CAMSAP2: variants seen among roughly 807,000 people sequenced by gnomAD.
The protein encoded by CAMSAP2 is calmodulin regulated spectrin associated protein family member 2.
Under a neutral mutation model 146.1 loss-of-function variants are expected in CAMSAP2, and 26 were observed. That is an observed-to-expected ratio of 0.18 (90% CI 0.13 to 0.25). The LOEUF is 0.25. CAMSAP2 is among the 10% of genes least tolerant of loss of function. CAMSAP2 has a pLI of 1.00. For missense variants in CAMSAP2, 1,381 were observed against 1,759.3 expected (o/e 0.78, Z 3.85); for synonymous variants, 499 against 596.6 (o/e 0.84, Z 2.38).
chr1:200,837,548 G>A (rs931876923), intron 6 of CAMSAP2, among the ~76,000 whole-genome samples: 1 of 151,898 alleles, frequency 6.6e-6, no homozygotes, highest in Non-Finnish European at 1.5e-5. Flanking sequence ...ATTGCCTTGG[G>A]TATTCAGGTT....
intron 2 of CAMSAP2, among the ~76,000 whole-genome samples, chr1:200,803,878 C>T (rs775578115): frequency 4.6e-5 from 7 of 151,406 alleles, no homozygotes; most frequent in South Asian, 2.1e-4. Context: ...GTTGTGTGTG[C>T]GTGTGTGTCT....
intron 4 of CAMSAP2, among the ~76,000 whole-genome samples, chr1:200,816,819 TACACACACACGC>T (rs1666533183): frequency 1.8e-5 from 1 of 55,418 alleles, no homozygotes; most frequent in Non-Finnish European, 3.2e-5. Context: ...TATATGTGTG[TACACACACACGC>T]GTGTGTATGT....
intron 1 of CAMSAP2, among the ~76,000 whole-genome samples, chr1:200,755,412 C>G (rs1270396346): frequency 2.6e-5 from 4 of 152,184 alleles, no homozygotes; most frequent in South Asian, 2.1e-4. Flanking sequence ...ATTTGTAACT[C>G]CCCTGGTCAC....
At chr1:200,780,200 A>G (rs763541053) in intron 2 of CAMSAP2, among the ~76,000 whole-genome samples, 14 of 152,208 alleles carry the variant, frequency 9.2e-5, no homozygotes, top group Admixed American at 6.5e-5. Flanking sequence ...TCTGTGATTT[A>G]TTACAAATTA....
intron 4 of CAMSAP2, among the ~76,000 whole-genome samples, chr1:200,817,190 A>AAG (rs1553288792): frequency 1.1e-3 from 84 of 77,396 alleles, no homozygotes; most frequent in South Asian, 3.4e-3. Flanking sequence ...ACACACACAC[A>AAG]TGTGTGTGTG....
chr1:200,759,952 A>G (rs1664756820), intron 1 of CAMSAP2, among the ~76,000 whole-genome samples: 1 of 152,192 alleles, frequency 6.6e-6, no homozygotes, highest in Non-Finnish European at 1.5e-5. Flanking sequence ...TGTTTTGGTA[A>G]TTTTGCTGCT....
intron 4 of CAMSAP2, among the ~76,000 whole-genome samples, chr1:200,816,591 T>C (rs1666493044): frequency 1.2e-5 from 1 of 86,468 alleles, no homozygotes; most frequent in African/African-American, 4.2e-5. Flanking sequence ...CAAAACTTCA[T>C]CTCAAAAAAA....
chr1:200,832,838 C>A lies in CAMSAP2; in HGVS notation c.920C>A (p.Ser307Tyr). 1 of 1,559,546 alleles carries A rather than the reference C, an allele frequency of 6.4e-7. No individual in the cohort carries two copies. The highest frequency in any genetic ancestry group is 2.3e-5 in the East Asian group (1 of 43,094). Residue 307 changes from serine to tyrosine, a missense_variant, in exon 6 of 17, where the codon TCC becomes TAC. Ser to Tyr is a moderately radical substitution (Grantham distance 144). This residue lies in a region of CAMSAP2 where 284 missense variants were observed against 406.9 expected (regional missense o/e 0.70). Coordinates refer to ENST00000358823, the MANE Select transcript of CAMSAP2 (RefSeq NM_203459.4). The surrounding 1 kb of genome is among the most constrained non-coding windows in gnomAD (Gnocchi z 4.2). ...GAAGATATGCTCTATGCTGCTTCAT[C>A]CATAAAGGTAAATTAAATTATTCTT... ...TLEDMLYAASSIKSNYLVFMA... is the reference protein window; with the variant it reads ...TLEDMLYAASYIKSNYLVFMA...
intron 4 of CAMSAP2, among the ~76,000 whole-genome samples, chr1:200,820,146 G>C (rs1323279551): frequency 6.7e-6 from 1 of 149,012 alleles, no homozygotes; most frequent in Non-Finnish European, 1.5e-5. Context: ...TTGCAACTTT[G>C]GCCTCCTGGG....
intron 4 of CAMSAP2, 22 bp downstream of exon 4, chr1:200,815,666 A>G (rs754676321): frequency 7.3e-7 from 1 of 1,361,130 alleles, no homozygotes; most frequent in East Asian, 2.4e-5. Flanking sequence ...AAAAACAAAA[A>G]GGTGCCTTTA....
chr1:200,799,786 T>C (rs1325831043), intron 2 of CAMSAP2, among the ~76,000 whole-genome samples: 1 of 152,242 alleles, frequency 6.6e-6, no homozygotes, highest in African/African-American at 2.4e-5. Flanking sequence ...TTTGGATCTT[T>C]CCTGCTTTCT....
intron 4 of CAMSAP2, among the ~76,000 whole-genome samples, chr1:200,818,759 T>C (rs959561583): frequency 6.6e-6 from 1 of 152,170 alleles, no homozygotes; most frequent in Non-Finnish European, 1.5e-5. Context: ...GGTTTTTAAT[T>C]CTGTAAAAGC....
In CAMSAP2 at chr1:200,854,832, T is replaced by C; in HGVS notation, c.3839T>C (p.Leu1280Ser). The change falls in exon 14 of 17, where the codon TTG becomes TCG. Residue 1280 changes from leucine to serine, a missense_variant. Leu to Ser is a moderately radical substitution (Grantham distance 145). This residue lies in a region of CAMSAP2 where 560 missense variants were observed against 715.9 expected (regional missense o/e 0.78). Coordinates refer to ENST00000358823, the MANE Select transcript of CAMSAP2 (RefSeq NM_203459.4). ...IKGPPVSSLSLASLNTGDNES... is the reference protein window; with the variant it reads ...IKGPPVSSLSSASLNTGDNES... ...GTTTTTTCAGTCTCTAGCCTTTCTT[T>C]GGCATCGCTGAACACGGGTGATAAC... is the stretch of plus-strand genomic sequence containing the variant. 6.2e-7 allele frequency: 1 copy of C among 1,611,332 alleles called. No individual in the cohort carries two copies. Among genetic ancestry groups the C allele is most frequent in the Non-Finnish European group, 8.5e-7 (1 of 1,178,830 alleles).
At position 200,848,515 on chromosome 1, in the gene CAMSAP2, C is replaced by G; in HGVS notation, c.1746C>G (p.Ile582Met). The G allele has an allele frequency of 6.2e-7, 1 of 1,613,772 alleles. No homozygotes were observed. The highest frequency in any genetic ancestry group is 8.5e-7 in the Non-Finnish European group (1 of 1,179,900). ...SQEMSILNSNIKLNQSSPDNV... is the reference protein window; with the variant it reads ...SQEMSILNSNMKLNQSSPDNV... ...AAATGAGTATCTTAAATTCAAATAT[C>G]AAGTTAAATCAATCTAGTCCTGATA... Residue 582 changes from isoleucine (I) to methionine (M), a missense_variant, in exon 11 of 17, where the codon ATC becomes ATG. By Grantham distance (10) the Ile-to-Met change is conservative. Around this residue, in one of 4 missense-constraint regions of CAMSAP2, gnomAD observed 447 missense variants for 462.2 expected, o/e 0.97. Coordinates refer to ENST00000358823, the MANE Select transcript of CAMSAP2 (RefSeq NM_203459.4).
intron 6 of CAMSAP2, among the ~76,000 whole-genome samples, chr1:200,834,219 C>A (rs566424514): frequency 1.3e-5 from 2 of 152,156 alleles, no homozygotes; most frequent in African/African-American, 4.8e-5. Context: ...AAACACTAGC[C>A]AGGCGTAGTG....
intron 2 of CAMSAP2, among the ~76,000 whole-genome samples, chr1:200,804,689 A>T (rs1024718007): frequency 1.3e-5 from 2 of 152,248 alleles, no homozygotes; most frequent in African/African-American, 4.8e-5. Context: ...GAGAGGATAC[A>T]TACAGATGAA....
Position 200,781,567 on chromosome 1 carries a change from G to C in CAMSAP2, c.399+20469G>C, listed in dbSNP as rs369088114. On this transcript the variant is annotated intron_variant, in intron 2 of 16. Coordinates refer to ENST00000358823, the MANE Select transcript of CAMSAP2 (RefSeq NM_203459.4). The stretch of plus-strand genomic sequence containing the variant: ...TTTGTTTTTGTTTTTTTTGAGACAG[G>C]GTCTCCCTCTGTTGCTCAGCTTGAA... Among the ~76,000 whole-genome samples, 29 of 151,716 alleles carry C rather than the reference G, an allele frequency of 1.9e-4. No individual in the cohort carries two copies. The East Asian group carries it at 5.4e-3, about 28-fold the overall frequency.
In CAMSAP2 at chr1:200,816,734, G is replaced by C. The variant is rs202106073; in HGVS notation, c.645+1090G>C. ...TATATACACACGCACATATATGTGT[G>C]TACACACACACGCGTGTATATATGT... is the stretch of plus-strand genomic sequence containing the variant. On this transcript the variant is annotated intron_variant, in intron 4 of 16. Transcript: ENST00000358823. Among the ~76,000 whole-genome samples the C allele has an allele frequency of 2.2e-3, 76 of 35,056 alleles. 26 individuals carry two copies. Among genetic ancestry groups the C allele is most frequent in the East Asian group, 2.8e-3 (2 of 722 alleles). 23.0% of individuals were successfully genotyped at this position (35,056 alleles called of 152,430 possible). A position where few individuals can be genotyped will look rare whatever the true frequency, so the allele number is the denominator to read the frequency against.
chr1:200,781,338 G>A (rs1665422054), intron 2 of CAMSAP2, among the ~76,000 whole-genome samples: 1 of 152,102 alleles, frequency 6.6e-6, no homozygotes. Flanking sequence ...GTTGGCATAG[G>A]GTAGCAGCAA....
Sources: allele counts gnomAD v4.1 joint callset (sites outside exome capture counted in the v4.1 genomes callset), GRCh38; gene constraint gnomAD v4.1.1; regional missense constraint gnomAD v4.1.1; non-coding constraint Gnocchi (gnomAD v3.1); transcripts MANE v1.5; gene names NCBI Gene and HGNC (gene_info 2026-07-23, HGNC 2026-07-21).